Variants in CA10 observed in about 807,000 individuals in gnomAD.
CA10 encodes the protein carbonic anhydrase-related protein 10.
In CA10, 14 loss-of-function variants were observed where a neutral mutation model predicts 44.2. The ratio of observed to expected loss-of-function variants is 0.32; its 90% CI spans 0.21 to 0.50. The LOEUF (loss-of-function observed/expected upper bound fraction) is 0.50, where lower values mean the gene tolerates loss of function less well. CA10 is among the 20% of genes least tolerant of loss of function. The pLI is 0.99. For synonymous variants in CA10, 159 were observed against 141.6 expected, an observed-to-expected ratio of 1.12 and a Z score of -0.87; for missense variants, 350 against 409.7, an observed-to-expected ratio of 0.85 and a Z score of 1.26.
chr17:51,898,004 T>C (rs1981146505), intron 3 of CA10, among the ~76,000 whole-genome samples: 6 of 152,162 alleles, frequency 3.9e-5, no homozygotes. Flanking sequence ...AATCATATTG[T>C]CTGCAAACAG....
intron 2 of CA10, among the ~76,000 whole-genome samples, chr17:52,032,403 T>A (rs1464588309): frequency 1.3e-5 from 2 of 152,118 alleles, no homozygotes; most frequent in African/African-American, 2.4e-5. Flanking sequence ...TTTGTACCTC[T>A]TTTTGCATGC....
In CA10 at chr17:52,108,758, G is replaced by A. The variant is rs560816691; in HGVS notation, c.62-36365C>T. ...GATGCAATGAGATTTGAGGACTTCG[G>A]GGGAAGAGTGGGAGGGCGCAAGGGA... On this transcript the variant is annotated intron_variant, in intron 1 of 8. Transcript: ENST00000451037. 4.0e-5 allele frequency among the ~76,000 whole-genome samples: 6 copies of A among 151,042 alleles called. No homozygotes were observed. In the South Asian group the frequency reaches 1.3e-3, roughly 32 times the overall value.
At chr17:51,950,701 A>G (rs1983449169) in intron 2 of CA10, among the ~76,000 whole-genome samples, 1 of 152,130 alleles carries the variant, frequency 6.6e-6, no homozygotes, top group Admixed American at 6.6e-5. Context: ...CTAGCTTTCT[A>G]TAAATAGCTT....
At chr17:52,130,779 C>G (rs1989221023) in intron 1 of CA10, among the ~76,000 whole-genome samples, 1 of 151,986 alleles carries the variant, frequency 6.6e-6, no homozygotes, top group Non-Finnish European at 1.5e-5. Flanking sequence ...TTCACTAAAG[C>G]CTCAGACTCT....
At chr17:51,638,803 C>T (rs1411841458) in intron 6 of CA10, among the ~76,000 whole-genome samples, 2 of 152,164 alleles carry the variant, frequency 1.3e-5, no homozygotes, top group Non-Finnish European at 2.9e-5. Flanking sequence ...GAGGAGTTGA[C>T]TTGAACTGCA....
At chr17:51,763,684 C>A (rs1905277030) in intron 3 of CA10, among the ~76,000 whole-genome samples, 1 of 152,158 alleles carries the variant, frequency 6.6e-6, no homozygotes, top group Non-Finnish European at 1.5e-5. Context: ...CTTTTACTGT[C>A]AATGAACTTA....
chr17:51,913,348 T>C (rs1981863127), intron 3 of CA10, among the ~76,000 whole-genome samples: 1 of 152,142 alleles, frequency 6.6e-6, no homozygotes, highest in Admixed American at 6.6e-5. Context: ...TAAAGACATA[T>C]ATGCCTAGGA....
rs577830021 is a variant in CA10 at position 51,725,842 on chromosome 17, C to T, written c.465+21791G>A. Among the ~76,000 whole-genome samples, 9 of 152,274 alleles carry T rather than the reference C, an allele frequency of 5.9e-5. No homozygotes were observed. In the East Asian group the frequency reaches 1.7e-3, roughly 29 times the overall value. ...GCATTCATTATTTATTGAGTGCCTACTCTATGCTGGACACTGTGTTCTAAG... is the reference window on the plus strand; with the variant it reads ...GCATTCATTATTTATTGAGTGCCTATTCTATGCTGGACACTGTGTTCTAAG... On this transcript the variant is annotated intron_variant, in intron 4 of 8. Transcript: ENST00000451037.
At chr17:52,022,961 A>G (rs2144157339) in intron 2 of CA10, among the ~76,000 whole-genome samples, 1 of 152,248 alleles carries the variant, frequency 6.6e-6, no homozygotes, top group South Asian at 2.1e-4. Flanking sequence ...ATCAAAGATG[A>G]CACAAACAAA....
chr17:51,970,347 A>G (rs1299073438), intron 2 of CA10, among the ~76,000 whole-genome samples: 2 of 149,956 alleles, frequency 1.3e-5, no homozygotes, highest in African/African-American at 4.9e-5. Flanking sequence ...AAAGAAAAAA[A>G]AAGTCCTCCA....
At chr17:51,669,590 G>T (rs776748384) in intron 4 of CA10, among the ~76,000 whole-genome samples, 1 of 152,080 alleles carries the variant, frequency 6.6e-6, no homozygotes, top group Admixed American at 6.6e-5. Flanking sequence ...CACTCACCGC[G>T]AAGGTCTGCA....
intron 1 of CA10, among the ~76,000 whole-genome samples, chr17:52,149,619 T>C (rs1201985310): frequency 6.6e-6 from 1 of 152,216 alleles, no homozygotes; most frequent in Non-Finnish European, 1.5e-5. Flanking sequence ...ACAGAAAACC[T>C]TCACTAATCA....
At chr17:52,026,465 A>T (rs1986304294) in intron 2 of CA10, among the ~76,000 whole-genome samples, 1 of 152,130 alleles carries the variant, frequency 6.6e-6, no homozygotes, top group Non-Finnish European at 1.5e-5. Context: ...GATGGGAGAA[A>T]ACGTCCTAGA....
chr17:51,881,960 C>T (rs1287058702), intron 3 of CA10, among the ~76,000 whole-genome samples: 1 of 150,016 alleles, frequency 6.7e-6, no homozygotes, highest in Non-Finnish European at 1.5e-5. Context: ...GACACATGCG[C>T]AAAATGTTAG....
intron 3 of CA10, among the ~76,000 whole-genome samples, chr17:51,918,531 A>T (rs1567884840): frequency 6.6e-6 from 1 of 152,176 alleles, no homozygotes; most frequent in African/African-American, 2.4e-5. Context: ...ATGTACCTTC[A>T]TCTTATGATA....
chr17:51,847,951 T>A (rs552758691), intron 3 of CA10, among the ~76,000 whole-genome samples: 1 of 152,330 alleles, frequency 6.6e-6, no homozygotes, highest in African/African-American at 2.4e-5. Flanking sequence ...CAACTTTATG[T>A]GCACAAAGTA....
chr17:51,879,561 C>T lies in CA10; in HGVS notation c.279+51429G>A, dbSNP rs144249974. Among the ~76,000 whole-genome samples the T allele has an allele frequency of 4.1e-4, 62 of 152,196 alleles. 1 individual carries two copies. The East Asian group carries it at 9.5e-3, about 23-fold the overall frequency. ...GGTCTAAAATAAAGACCTACATCAA[C>T]GAAAACTCTAGAAAACAGGAGTAGA... On this transcript the variant is annotated intron_variant, in intron 3 of 8. Coordinates refer to ENST00000451037, the MANE Select transcript of CA10 (RefSeq NM_020178.5).
At chr17:51,649,075 A>G in intron 6 of CA10, 107 bp downstream of exon 6, 1 of 741,722 alleles carries the variant, frequency 1.3e-6, no homozygotes, top group East Asian at 2.5e-5. Context: ...CTGCAGGATC[A>G]TGAAACTGAA....
intron 3 of CA10, among the ~76,000 whole-genome samples, chr17:51,754,010 A>T (rs1904987046): frequency 6.6e-6 from 1 of 151,836 alleles, no homozygotes; most frequent in South Asian, 2.1e-4. Flanking sequence ...CGCCCAGCTA[A>T]TTTTTATATT....
Sources: allele counts gnomAD v4.1 joint callset (sites outside exome capture counted in the v4.1 genomes callset), GRCh38; gene constraint gnomAD v4.1.1; transcripts MANE v1.5; gene names NCBI Gene and HGNC (gene_info 2026-07-23, HGNC 2026-07-21).